The following MAML2 variants were observed in gnomAD, a reference collection of about 807,000 sequenced individuals.
MAML2 encodes mastermind like transcriptional coactivator 2.
In MAML2, 22 loss-of-function variants were observed where a neutral mutation model predicts 96.1. The observed-to-expected ratio is 0.23, with a 90% CI of 0.16 to 0.33. The LOEUF (loss-of-function observed/expected upper bound fraction) is 0.33. Among genes scored for constraint, MAML2 ranks in the 10% least tolerant of loss-of-function variants. The pLI, the probability that MAML2 is intolerant of heterozygous loss-of-function variation, is 1.00. For missense variants in MAML2, 1,367 were observed against 1,392.4 expected, an observed-to-expected ratio of 0.98 and a Z score of 0.29; for synonymous variants, 561 against 521.3, an observed-to-expected ratio of 1.08 and a Z score of -1.04.
chr11:95,989,343 A>G (rs1189604648), intron 3 of MAML2, among the ~76,000 whole-genome samples: 1 of 152,194 alleles, frequency 6.6e-6, no homozygotes, highest in Non-Finnish European at 1.5e-5. Context: ...AATCACAAAA[A>G]CAGCAGCCTC....
At chr11:96,011,308 T>C (rs1350405818) in intron 2 of MAML2, among the ~76,000 whole-genome samples, 2 of 152,184 alleles carry the variant, frequency 1.3e-5, no homozygotes, top group African/African-American at 4.8e-5. Context: ...AGCAAAGACA[T>C]GGAACCAACC....
At chr11:96,001,221 C>T (rs577436) in intron 2 of MAML2, among the ~76,000 whole-genome samples, 35,911 of 152,068 alleles carry the variant, frequency 0.24, 4,549 homozygotes, top group East Asian at 0.38. Context: ...ACACGTATTA[C>T]GGGTTGGCAC....
intron 1 of MAML2, among the ~76,000 whole-genome samples, chr11:96,138,806 C>A (rs1860682079): frequency 6.6e-6 from 1 of 152,030 alleles, no homozygotes; most frequent in African/African-American, 2.4e-5. Context: ...ATCCTCCTGA[C>A]AACTTTGTAT....
intron 1 of MAML2, among the ~76,000 whole-genome samples, chr11:96,267,231 C>A (rs1042812068): frequency 6.6e-6 from 1 of 152,158 alleles, no homozygotes; most frequent in African/African-American, 2.4e-5. Flanking sequence ...TGGAGATGAG[C>A]TGGTTTAAAT....
intron 1 of MAML2, among the ~76,000 whole-genome samples, chr11:96,292,816 G>A (rs1223231821): frequency 6.6e-6 from 1 of 152,128 alleles, no homozygotes; most frequent in Non-Finnish European, 1.5e-5. Context: ...ACAGCACAGT[G>A]TGAGTTTATG....
chr11:96,191,982 G>A (rs1861660140), intron 1 of MAML2, among the ~76,000 whole-genome samples: 1 of 152,170 alleles, frequency 6.6e-6, no homozygotes, highest in African/African-American at 2.4e-5. Flanking sequence ...GGCTGTTCTG[G>A]CAGGAATTCC....
intron 1 of MAML2, among the ~76,000 whole-genome samples, chr11:96,250,057 C>T (rs928919049): frequency 4.6e-5 from 7 of 152,142 alleles, no homozygotes; most frequent in Non-Finnish European, 7.4e-5. Context: ...CCTGAGAACT[C>T]GTTATCCAGA....
chr11:95,989,648 A>G (rs1425695775), intron 3 of MAML2, among the ~76,000 whole-genome samples: 3 of 141,572 alleles, frequency 2.1e-5, no homozygotes, highest in Non-Finnish European at 4.5e-5. Context: ...AAGGATAAAA[A>G]TGGGAGGGGA....
At chr11:96,290,529 T>C (rs1863194464) in intron 1 of MAML2, among the ~76,000 whole-genome samples, 1 of 152,210 alleles carries the variant, frequency 6.6e-6, no homozygotes, top group South Asian at 2.1e-4. Flanking sequence ...ACAATCAAGA[T>C]TTCAAGATCT....
intron 1 of MAML2, among the ~76,000 whole-genome samples, chr11:96,109,831 G>A (rs890624361): frequency 3.3e-5 from 5 of 152,164 alleles, no homozygotes; most frequent in Admixed American, 6.5e-5. Context: ...GATCAGGAGC[G>A]AACTTTGGTC....
intron 1 of MAML2, among the ~76,000 whole-genome samples, chr11:96,278,180 T>C (rs1344076490): frequency 6.6e-6 from 1 of 152,164 alleles, no homozygotes; most frequent in Non-Finnish European, 1.5e-5. Context: ...GTATCACAGA[T>C]AGCTCTTGGC....
chr11:95,993,861 A>G (rs1032259583), intron 2 of MAML2, among the ~76,000 whole-genome samples: 6 of 152,316 alleles, frequency 3.9e-5, no homozygotes, highest in Middle Eastern at 3.4e-3. Context: ...TCAGCCAGTC[A>G]CTGTGGTCCG....
At position 96,224,735 on chromosome 11, in the gene MAML2, T is replaced by C. The variant is rs189723638; in HGVS notation, c.513+116648A>G. 2.6e-3 allele frequency among the ~76,000 whole-genome samples: 395 copies of C among 152,352 alleles called. 2 individuals are homozygous for C. The highest frequency in any genetic ancestry group is 8.2e-3 in the African/African-American group (342 of 41,590). On this transcript the variant is annotated intron_variant, in intron 1 of 4. Transcript: ENST00000524717. ...TATCCCCTTCCCAGAGCACATGACA[T>C]AGTAATTGGCACAAAGTAGATGCAC...
intron 1 of MAML2, among the ~76,000 whole-genome samples, chr11:96,127,131 A>G (rs182384256): frequency 1.5e-3 from 223 of 150,498 alleles, no homozygotes; most frequent in Middle Eastern, 0.01. Flanking sequence ...AAAATTACCT[A>G]AGCAGTTACA....
intron 1 of MAML2, among the ~76,000 whole-genome samples, chr11:96,280,422 T>A (rs1863048547): frequency 6.6e-6 from 1 of 152,144 alleles, no homozygotes; most frequent in African/African-American, 2.4e-5. Flanking sequence ...TTAATGAACT[T>A]TCTTTCTCCT....
intron 2 of MAML2, among the ~76,000 whole-genome samples, chr11:96,077,345 C>A (rs1373131035): frequency 6.6e-6 from 1 of 151,348 alleles, no homozygotes. Flanking sequence ...CCCAGCCTCC[C>A]AAGCAGTTGG....
At chr11:96,078,540 T>C (rs1859482266) in intron 2 of MAML2, among the ~76,000 whole-genome samples, 1 of 152,244 alleles carries the variant, frequency 6.6e-6, no homozygotes, top group Non-Finnish European at 1.5e-5. Context: ...TATCTACTGC[T>C]AATTTCTAAC....
At chr11:96,013,114 G>A (rs945304558) in intron 2 of MAML2, among the ~76,000 whole-genome samples, 1 of 152,152 alleles carries the variant, frequency 6.6e-6, no homozygotes. Context: ...AAAAGAGAGA[G>A]TTATGAGATA....
At chr11:96,038,235 T>C (rs888643151) in intron 2 of MAML2, among the ~76,000 whole-genome samples, 4 of 152,176 alleles carry the variant, frequency 2.6e-5, no homozygotes, top group Admixed American at 2.0e-4. Flanking sequence ...TACTAGACAT[T>C]TTTTTGTTTG....
Sources: gnomAD v4.1 joint callset for allele counts (sites outside exome capture counted in the v4.1 genomes callset) on GRCh38, gnomAD v4.1.1 for gene constraint, MANE v1.5 for transcripts, NCBI Gene and HGNC (gene_info 2026-07-23, HGNC 2026-07-21) for gene names.